Variants in FAM13C observed in about 807,000 individuals in gnomAD.
The protein encoded by FAM13C is family with sequence similarity 13 member C.
In FAM13C, 37 loss-of-function variants were observed where a neutral mutation model predicts 73.2. The observed-to-expected ratio is 0.51, with a 90% CI of 0.39 to 0.67. The LOEUF is 0.67. Ranked by LOEUF, FAM13C falls within the 30% of genes least tolerant of loss-of-function variation. FAM13C has a pLI of 0.00. For missense variants in FAM13C, 589 were observed against 715.6 expected (o/e 0.82, Z 2.02); for synonymous variants, 246 against 260.9 (o/e 0.94, Z 0.55).
chr10:59,247,627 G>T lies in FAM13C; in HGVS notation c.1745C>A (p.Ala582Asp). 1 of 1,613,214 alleles carries T rather than the reference G, an allele frequency of 6.2e-7. No individual in the cohort carries two copies. Among genetic ancestry groups the T allele is most frequent in the Middle Eastern group, 1.7e-4 (1 of 6,054 alleles). ...ATTTCCTGAACCTCAAATAGTTTTGGCCACATCTTGCTTGCTGATGAGGAC... is the reference window on the plus strand; with the variant it reads ...ATTTCCTGAACCTCAAATAGTTTTGTCCACATCTTGCTTGCTGATGAGGAC... ...LEVLISKQDVAKTI is the reference protein window; with the variant it reads ...LEVLISKQDVDKTI Residue 582 changes from alanine (A) to aspartate (D), a missense_variant, in exon 14 of 14, where the codon GCC becomes GAC. Transcript: ENST00000618804.
Position 59,254,421 on chromosome 10 carries a change from A to ACC in FAM13C, c.1258_1259insGG (p.Leu420ArgfsTer3). 1 of 1,548,160 alleles carries ACC rather than the reference A, an allele frequency of 6.5e-7. No individual in the cohort carries two copies. Among genetic ancestry groups the ACC allele is most frequent in the Non-Finnish European group, 8.7e-7 (1 of 1,145,870 alleles). ...GTATCGGTCATAAAGCGGCTTTATGAGGTTCTTGTCTTGCTTAGTTACCTG... is the reference window on the plus strand; with the variant it reads ...GTATCGGTCATAAAGCGGCTTTATGACCGGTTCTTGTCTTGCTTAGTTACCTG... On this transcript the variant is annotated frameshift_variant, in exon 11 of 14. Coordinates refer to ENST00000618804, the MANE Select transcript of FAM13C (RefSeq NM_198215.4). LOFTEE classifies it high-confidence loss of function.
chr10:59,319,889 A>T (rs1477004261), intron 4 of FAM13C, among the ~76,000 whole-genome samples: 1 of 152,232 alleles, frequency 6.6e-6, no homozygotes, highest in African/African-American at 2.4e-5. Flanking sequence ...ATGGAAGTCC[A>T]TATTAAAATG....
At chr10:59,320,787 G>A (rs1364674339) in intron 4 of FAM13C, among the ~76,000 whole-genome samples, 1 of 152,182 alleles carries the variant, frequency 6.6e-6, no homozygotes, top group African/African-American at 2.4e-5. Flanking sequence ...CTTGGTAATT[G>A]GCACAAAAGT....
chr10:59,361,348 C>T (rs1198660411), intron 1 of FAM13C, among the ~76,000 whole-genome samples: 1 of 152,140 alleles, frequency 6.6e-6, no homozygotes, highest in Non-Finnish European at 1.5e-5. Flanking sequence ...CCCTCCCTCA[C>T]CAAGTCATTG....
chr10:59,280,228 AT>A (rs1844778126), intron 6 of FAM13C, among the ~76,000 whole-genome samples: 2 of 152,186 alleles, frequency 1.3e-5, no homozygotes. Context: ...AGTGCTAAAA[AT>A]AGGACAATCC....
chr10:59,335,668 C>G (rs994044574), intron 3 of FAM13C, among the ~76,000 whole-genome samples: 1 of 152,196 alleles, frequency 6.6e-6, no homozygotes, highest in Non-Finnish European at 1.5e-5. Flanking sequence ...CATCACTTCC[C>G]TAAGTTCAAG....
chr10:59,289,390 G>A (rs1338956262), intron 5 of FAM13C, among the ~76,000 whole-genome samples: 1 of 152,150 alleles, frequency 6.6e-6, no homozygotes, highest in Non-Finnish European at 1.5e-5. Flanking sequence ...TGGGTGATCT[G>A]TCCTACCAGG....
chr10:59,329,342 G>GTTTTTTTTTTTTTTTTTTTTTTTTT lies in FAM13C; in HGVS notation c.325-5261_325-5237dup, dbSNP rs71006247. On this transcript the variant is annotated intron_variant, in intron 3 of 13. Coordinates refer to ENST00000618804, the MANE Select transcript of FAM13C (RefSeq NM_198215.4). ...TTTTTTCTTTTTTTCTTTCTTTCTG[G>GTTTTTTTTTTTTTTTTTTTTTTTTT]TTTTTTTTTTTTTTTTTTTTTTTTT... 5.2e-5 allele frequency among the ~76,000 whole-genome samples: 4 copies of GTTTTTTTTTTTTTTTTTTTTTTTTT among 77,310 alleles called. 1 individual carries two copies. The highest frequency in any genetic ancestry group is 5.3e-4 in the South Asian group (1 of 1,892). 50.7% of individuals were successfully genotyped at this position (77,310 alleles called of 152,430 possible).
At chr10:59,308,463 C>T in intron 4 of FAM13C, among the ~76,000 whole-genome samples, 1 of 150,798 alleles carries the variant, frequency 6.6e-6, no homozygotes, top group East Asian at 2.0e-4. Context: ...TCACCATTGC[C>T]ACCATCACTA....
At chr10:59,360,853 GAA>G (rs10615623) in intron 1 of FAM13C, among the ~76,000 whole-genome samples, 1,253 of 57,808 alleles carry the variant, frequency 0.022, 13 homozygotes, top group African/African-American at 0.06. Context: ...AACCTCTACA[GAA>G]AAAAAAAAAA....
chr10:59,352,560 G>T (rs1175346745), intron 2 of FAM13C, 86 bp from the exon 3 acceptor site: 54 of 1,370,522 alleles, frequency 3.9e-5, no homozygotes, highest in Non-Finnish European at 5.2e-5. Context: ...GATATTCATT[G>T]CTGCTATATT....
intron 4 of FAM13C, among the ~76,000 whole-genome samples, chr10:59,303,302 C>T (rs922970860): frequency 2.6e-5 from 4 of 152,202 alleles, no homozygotes. Flanking sequence ...CATGCCCTCA[C>T]CCTCACTCTC....
chr10:59,322,420 G>A (rs552571601), intron 4 of FAM13C, among the ~76,000 whole-genome samples: 3 of 152,306 alleles, frequency 2.0e-5, no homozygotes, highest in African/African-American at 7.2e-5. Flanking sequence ...CTGTGAAAGT[G>A]GGACATGAAA....
At chr10:59,248,323 A>G (rs1202492439) in intron 13 of FAM13C, among the ~76,000 whole-genome samples, 1 of 152,202 alleles carries the variant, frequency 6.6e-6, no homozygotes, top group Non-Finnish European at 1.5e-5. Flanking sequence ...GTAATTGACA[A>G]GAGTCTAAAT....
intron 3 of FAM13C, among the ~76,000 whole-genome samples, chr10:59,333,565 A>G (rs1413638519): frequency 6.6e-6 from 1 of 152,140 alleles, no homozygotes; most frequent in Admixed American, 6.6e-5. Flanking sequence ...GGAAAAGCCC[A>G]CCTTTTATTC....
chr10:59,337,591 C>T (rs943253470), intron 3 of FAM13C, among the ~76,000 whole-genome samples: 1 of 151,124 alleles, frequency 6.6e-6, no homozygotes, highest in Non-Finnish European at 1.5e-5. Context: ...TTACTGGTCA[C>T]TTGTCACTGT....
intron 8 of FAM13C, among the ~76,000 whole-genome samples, chr10:59,267,692 C>T (rs1843218884): frequency 6.6e-6 from 1 of 152,184 alleles, no homozygotes; most frequent in Admixed American, 6.5e-5. Context: ...AGTACTTACT[C>T]TCATACTCAC....
intron 9 of FAM13C, 115 bp from the exon 10 acceptor site, chr10:59,262,760 G>A (rs1842641163): frequency 3.5e-6 from 3 of 860,312 alleles, no homozygotes; most frequent in Non-Finnish European, 5.4e-6. Flanking sequence ...GAACACTAAT[G>A]ATGGCTTTCC....
intron 4 of FAM13C, among the ~76,000 whole-genome samples, chr10:59,310,760 G>A (rs940485175): frequency 6.6e-6 from 1 of 152,114 alleles, no homozygotes; most frequent in African/African-American, 2.4e-5. Flanking sequence ...CCTCCCAGAA[G>A]CCAACTTCCC....
Sources: gnomAD v4.1 joint callset for allele counts (sites outside exome capture counted in the v4.1 genomes callset) on GRCh38, gnomAD v4.1.1 for gene constraint, MANE v1.5 for transcripts, NCBI Gene and HGNC (gene_info 2026-07-23, HGNC 2026-07-21) for gene names.